AGBL4: variants seen among roughly 807,000 people sequenced by gnomAD.
AGBL4 encodes AGBL carboxypeptidase 4.
Under a neutral mutation model 66.4 loss-of-function variants are expected in AGBL4, and 58 were observed. That is an observed-to-expected ratio of 0.87 (90% CI 0.71 to 1.09). The LOEUF is 1.09. Ranked by LOEUF, AGBL4 falls within the 50% of genes least tolerant of loss-of-function variation. The pLI is 0.00. For synonymous variants in AGBL4, 234 were observed against 222.9 expected (o/e 1.05, Z -0.44); for missense variants, 579 against 631.0 (o/e 0.92, Z 0.88).
At chr1:48,570,248 C>T (rs1273677054) in intron 11 of AGBL4, among the ~76,000 whole-genome samples, 2 of 152,226 alleles carry the variant, frequency 1.3e-5, no homozygotes, top group Non-Finnish European at 2.9e-5. Flanking sequence ...GGAGTTTAGG[C>T]CAGGTAGAAA....
In AGBL4 at chr1:48,879,272, A is replaced by AGTGT. The variant is rs71672631; in HGVS notation, c.595-12046_595-12043dup. On this transcript the variant is annotated intron_variant, in intron 5 of 13. Coordinates refer to ENST00000371839, the MANE Select transcript of AGBL4 (RefSeq NM_032785.4). Reference sequence around the variant, plus strand: ...ATCTTGAAGTCTGTTGAGAGGGGTCAGTGTGTGTGTGTGTGTGTGTGCACG... The same window carrying AGTGT: ...ATCTTGAAGTCTGTTGAGAGGGGTCAGTGTGTGTGTGTGTGTGTGTGTGTGCACG... 1.6e-3 allele frequency among the ~76,000 whole-genome samples: 231 copies of AGTGT among 148,244 alleles called. 1 individual carries two copies. The highest frequency in any genetic ancestry group is 5.2e-3 in the African/African-American group (210 of 40,752).
intron 3 of AGBL4, among the ~76,000 whole-genome samples, chr1:49,583,262 A>G (rs1644580405): frequency 6.6e-6 from 1 of 152,206 alleles, no homozygotes; most frequent in Non-Finnish European, 1.5e-5. Context: ...ACATATCCAC[A>G]TACTAAGAGG....
At chr1:48,549,613 A>G (rs1644219748) in intron 11 of AGBL4, among the ~76,000 whole-genome samples, 1 of 152,138 alleles carries the variant, frequency 6.6e-6, no homozygotes, top group Non-Finnish European at 1.5e-5. Flanking sequence ...GGACAGGAAA[A>G]TACAGAGAAA....
At chr1:48,711,786 A>T (rs1010656683) in intron 6 of AGBL4, among the ~76,000 whole-genome samples, 8 of 151,144 alleles carry the variant, frequency 5.3e-5, no homozygotes, top group African/African-American at 1.5e-4. Context: ...AATTTCTCTG[A>T]GAGTCCTTAT....
At chr1:49,769,602 G>A (rs1247726226) in intron 2 of AGBL4, among the ~76,000 whole-genome samples, 9 of 152,056 alleles carry the variant, frequency 5.9e-5, no homozygotes, top group Non-Finnish European at 1.2e-4. Context: ...GCATGGTAAT[G>A]GTAGAAACAC....
intron 6 of AGBL4, among the ~76,000 whole-genome samples, chr1:48,670,000 G>A (rs1646251643): frequency 6.6e-6 from 1 of 152,102 alleles, no homozygotes; most frequent in Admixed American, 6.5e-5. Flanking sequence ...GGGATCAAAT[G>A]TTCTGCCCTT....
At chr1:49,799,080 C>G (rs1460570447) in intron 2 of AGBL4, among the ~76,000 whole-genome samples, 1 of 151,980 alleles carries the variant, frequency 6.6e-6, no homozygotes, top group Non-Finnish European at 1.5e-5. Context: ...TTTAAATTCT[C>G]AGGAAGAGTA....
At position 48,534,068 on chromosome 1, in the gene AGBL4, C is replaced by T; in HGVS notation, c.*105G>A. Reference sequence around the variant, plus strand: ...ATCCCTTCCCTTTCACTAGCCTATGCATTAATCCACAAATCCTTGGAAGCT... The same window carrying T: ...ATCCCTTCCCTTTCACTAGCCTATGTATTAATCCACAAATCCTTGGAAGCT... On this transcript the variant is annotated 3_prime_UTR_variant, in exon 14 of 14. Transcript: ENST00000371839. The T allele has an allele frequency of 6.7e-7, 1 of 1,495,374 alleles. No individual in the cohort carries two copies. Among genetic ancestry groups the T allele is most frequent in the Non-Finnish European group, 9.1e-7 (1 of 1,096,752 alleles). The allele number at this position is 1,495,374 out of a possible 1,614,324, so 92.6% of individuals were successfully genotyped here. A position where few individuals can be genotyped will look rare whatever the true frequency, so the allele number is the denominator to read the frequency against.
chr1:48,971,354 C>T (rs533704767), intron 5 of AGBL4, among the ~76,000 whole-genome samples: 1 of 152,176 alleles, frequency 6.6e-6, no homozygotes, highest in Admixed American at 6.5e-5. Flanking sequence ...CAGTTTTATC[C>T]TGAAACCATC....
chr1:49,937,767 A>C (rs971128012), intron 1 of AGBL4, among the ~76,000 whole-genome samples: 6 of 152,224 alleles, frequency 3.9e-5, no homozygotes, highest in African/African-American at 1.4e-4. Context: ...ATGAAGGCAG[A>C]AATAAAGATG....
At chr1:48,819,825 G>A (rs1306913328) in intron 6 of AGBL4, among the ~76,000 whole-genome samples, 1 of 152,168 alleles carries the variant, frequency 6.6e-6, no homozygotes, top group Non-Finnish European at 1.5e-5. Context: ...AGGTGGTCCA[G>A]CTTTTGCTCA....
intron 1 of AGBL4, among the ~76,000 whole-genome samples, chr1:49,963,687 C>T (rs763265785): frequency 3.3e-5 from 5 of 152,000 alleles, no homozygotes; most frequent in South Asian, 4.1e-4. Flanking sequence ...ATTTTTCTAT[C>T]GGCTACAAAG....
intron 5 of AGBL4, among the ~76,000 whole-genome samples, chr1:48,951,359 G>A (rs1335813019): frequency 1.3e-5 from 2 of 152,114 alleles, no homozygotes; most frequent in African/African-American, 2.4e-5. Context: ...GAGTTGGAGG[G>A]GAAGCTCCTG....
At chr1:49,821,690 T>C (rs901823645) in intron 2 of AGBL4, among the ~76,000 whole-genome samples, 2 of 152,198 alleles carry the variant, frequency 1.3e-5, no homozygotes, top group African/African-American at 2.4e-5. Context: ...AGTCACTAAA[T>C]GTTTATATTT....
At chr1:49,961,193 C>T (rs1017800127) in intron 1 of AGBL4, among the ~76,000 whole-genome samples, 10 of 151,946 alleles carry the variant, frequency 6.6e-5, no homozygotes, top group Non-Finnish European at 1.3e-4. Flanking sequence ...AAAGTTTTAG[C>T]CTTCTTTGTA....
chr1:49,338,384 G>A (rs900710728), intron 3 of AGBL4, among the ~76,000 whole-genome samples: 9 of 152,170 alleles, frequency 5.9e-5, no homozygotes, highest in African/African-American at 2.2e-4. Context: ...AGTAACCTTG[G>A]TATCTTCCTA....
At chr1:49,013,913 AAGCCATTTCTATTT>A (rs1402324417) in intron 5 of AGBL4, among the ~76,000 whole-genome samples, 1 of 152,202 alleles carries the variant, frequency 6.6e-6, no homozygotes, top group African/African-American at 2.4e-5. Flanking sequence ...ATTCTCTAGC[AAGCCATTTCTATTT>A]GTCCACCCCT....
chr1:49,222,173 A>G (rs763395969), intron 4 of AGBL4, among the ~76,000 whole-genome samples: 1 of 152,164 alleles, frequency 6.6e-6, no homozygotes, highest in African/African-American at 2.4e-5. Context: ...CATATTATAT[A>G]TGTCTTTATG....
At chr1:49,730,691 G>C (rs1649373354) in intron 2 of AGBL4, among the ~76,000 whole-genome samples, 1 of 152,126 alleles carries the variant, frequency 6.6e-6, no homozygotes, top group South Asian at 2.1e-4. Flanking sequence ...GCGAAGCACA[G>C]AGCCACAGCA....
Sources: gnomAD v4.1 joint callset for allele counts (sites outside exome capture counted in the v4.1 genomes callset) on GRCh38, gnomAD v4.1.1 for gene constraint, MANE v1.5 for transcripts, NCBI Gene and HGNC (gene_info 2026-07-23, HGNC 2026-07-21) for gene names.